The following RBMS1 variants were observed in gnomAD, a reference collection of about 807,000 sequenced individuals.
The protein encoded by RBMS1 is RNA-binding motif, single-stranded-interacting protein 1.
In RBMS1, 17 loss-of-function variants were observed where a neutral mutation model predicts 62.3. The ratio of observed to expected loss-of-function variants is 0.27; its 90% CI spans 0.19 to 0.41. RBMS1 has a LOEUF of 0.41. Among genes scored for constraint, RBMS1 ranks in the 10% least tolerant of loss-of-function variants. The probability of loss-of-function intolerance (pLI) is 1.00; values close to 1 mark genes in which losing one functional copy is unlikely to be tolerated. For synonymous variants in RBMS1, 172 were observed against 170.0 expected (o/e 1.01, Z -0.09); for missense variants, 334 against 504.5 (o/e 0.66, Z 3.24).
At chr2:160,389,764 T>G (rs1479117061) in intron 1 of RBMS1, among the ~76,000 whole-genome samples, 1 of 99,564 alleles carries the variant, frequency 1.0e-5, no homozygotes. Flanking sequence ...AACAATCACA[T>G]AATGAGGAAT....
intron 1 of RBMS1, among the ~76,000 whole-genome samples, chr2:160,438,936 G>A (rs1471126669): frequency 6.6e-6 from 1 of 150,632 alleles, no homozygotes; most frequent in African/African-American, 2.4e-5. Context: ...GCCGGGCAGA[G>A]GGGCTCCTCA....
At chr2:160,365,410 T>C (rs1309203714) in intron 2 of RBMS1, among the ~76,000 whole-genome samples, 1 of 152,130 alleles carries the variant, frequency 6.6e-6, no homozygotes, top group African/African-American at 2.4e-5. Flanking sequence ...AGGAGAGTAA[T>C]GTTTACACAC....
chr2:160,394,329 AC>A (rs1321804237), intron 1 of RBMS1, among the ~76,000 whole-genome samples: 3 of 152,218 alleles, frequency 2.0e-5, no homozygotes, highest in Admixed American at 6.5e-5. Flanking sequence ...ACAGGAACTT[AC>A]ACCTAGAAAC....
At chr2:160,478,191 G>A (rs896896652) in intron 1 of RBMS1, among the ~76,000 whole-genome samples, 1 of 152,222 alleles carries the variant, frequency 6.6e-6, no homozygotes, top group African/African-American at 2.4e-5. Context: ...CTTACAGATA[G>A]CACGATTTTA....
chr2:160,381,212 A>G (rs1694268999), intron 1 of RBMS1, among the ~76,000 whole-genome samples: 2 of 152,166 alleles, frequency 1.3e-5, no homozygotes, highest in Non-Finnish European at 2.9e-5. Flanking sequence ...GAAATAGATA[A>G]AACACTGGGA....
At chr2:160,443,074 C>T (rs1190000187) in intron 1 of RBMS1, among the ~76,000 whole-genome samples, 1 of 151,890 alleles carries the variant, frequency 6.6e-6, no homozygotes, top group Non-Finnish European at 1.5e-5. Flanking sequence ...GGTGTGGTGG[C>T]GGGCACCTGT....
chr2:160,441,488 C>G (rs1488447892), intron 1 of RBMS1, among the ~76,000 whole-genome samples: 1 of 152,174 alleles, frequency 6.6e-6, no homozygotes, highest in Non-Finnish European at 1.5e-5. Flanking sequence ...CTTTGGGAGG[C>G]CAAGGCAGGA....
intron 2 of RBMS1, among the ~76,000 whole-genome samples, chr2:160,323,584 A>T (rs911800361): frequency 6.7e-6 from 1 of 148,232 alleles, no homozygotes; most frequent in Non-Finnish European, 1.5e-5. Flanking sequence ...GTGCACGACC[A>T]AACAGCATGA....
At chr2:160,467,871 T>A (rs1684758301) in intron 1 of RBMS1, among the ~76,000 whole-genome samples, 1 of 151,898 alleles carries the variant, frequency 6.6e-6, no homozygotes, top group African/African-American at 2.4e-5. Flanking sequence ...GACATGTATA[T>A]CTCAAGCTTG....
intron 1 of RBMS1, among the ~76,000 whole-genome samples, chr2:160,384,232 T>C (rs1379085258): frequency 2.6e-5 from 4 of 152,258 alleles, no homozygotes; most frequent in Admixed American, 1.3e-4. Flanking sequence ...ACTTTAAATG[T>C]CATTTTTTAA....
chr2:160,272,634 A>G lies in RBMS1; in HGVS notation c.*2138T>C, dbSNP rs919525219. On this transcript the variant is annotated 3_prime_UTR_variant, in exon 14 of 14. Transcript: ENST00000348849. Reference sequence around the variant, plus strand: ...TAATGCAAAAATATCAAGTAGTGAGAGACCCAGGTTTATAACTGTACTAGG... The same window carrying G: ...TAATGCAAAAATATCAAGTAGTGAGGGACCCAGGTTTATAACTGTACTAGG... The G allele has an allele frequency of 1.6e-4, 24 of 152,214 alleles. No homozygotes were observed. Among genetic ancestry groups the G allele is most frequent in the African/African-American group, 5.5e-4 (23 of 41,452 alleles). 9.4% of individuals were successfully genotyped at this position (152,214 alleles called of 1,614,324 possible). A position where few individuals can be genotyped will look rare whatever the true frequency, so the allele number is the denominator to read the frequency against.
intron 1 of RBMS1, among the ~76,000 whole-genome samples, chr2:160,459,096 A>G (rs966666482): frequency 5.3e-5 from 8 of 152,176 alleles, no homozygotes; most frequent in Admixed American, 1.3e-4. Context: ...TTGTGATGCA[A>G]TTGTTTTGAG....
intron 2 of RBMS1, among the ~76,000 whole-genome samples, chr2:160,339,757 C>T (rs528752490): frequency 1.3e-4 from 20 of 152,064 alleles, no homozygotes; most frequent in Admixed American, 1.1e-3. Context: ...TAAAAAACAG[C>T]CTTTGCAACC....
At chr2:160,277,229 T>C in intron 12 of RBMS1, 74 bp downstream of exon 12, 1 of 1,328,396 alleles carries the variant, frequency 7.5e-7, no homozygotes, top group East Asian at 2.3e-5. Context: ...GGTAGATTTT[T>C]CTGAGTTCTA....
intron 2 of RBMS1, among the ~76,000 whole-genome samples, chr2:160,331,276 C>T (rs1304798366): frequency 6.6e-6 from 1 of 152,180 alleles, no homozygotes; most frequent in African/African-American, 2.4e-5. Context: ...TCCTGCCCTG[C>T]TCCACCTTAA....
At chr2:160,395,483 G>A (rs987683313) in intron 1 of RBMS1, among the ~76,000 whole-genome samples, 2 of 152,074 alleles carry the variant, frequency 1.3e-5, no homozygotes, top group Non-Finnish European at 2.9e-5. Context: ...AATTAGCCGG[G>A]CGTGGTGGCG....
chr2:160,436,836 TA>T (rs1683131689), intron 1 of RBMS1, among the ~76,000 whole-genome samples: 1 of 152,092 alleles, frequency 6.6e-6, no homozygotes, highest in Non-Finnish European at 1.5e-5. Context: ...CACCATCTAA[TA>T]AAAATAAAAT....
chr2:160,413,176 G>A (rs551575837), intron 1 of RBMS1, among the ~76,000 whole-genome samples: 226 of 152,260 alleles, frequency 1.5e-3, no homozygotes, highest in Non-Finnish European at 2.6e-3. Context: ...AAGGAATTAA[G>A]AGGAAAAATT....
intron 1 of RBMS1, among the ~76,000 whole-genome samples, chr2:160,371,689 G>A (rs771455394): frequency 1.3e-5 from 2 of 152,214 alleles, no homozygotes; most frequent in Non-Finnish European, 2.9e-5. Context: ...CCATCAGGAA[G>A]AGCGTTCATC....
Sources: allele counts gnomAD v4.1 joint callset (sites outside exome capture counted in the v4.1 genomes callset), GRCh38; gene constraint gnomAD v4.1.1; transcripts MANE v1.5; gene names NCBI Gene and HGNC (gene_info 2026-07-23, HGNC 2026-07-21).